MAP3K7CL: variants seen among roughly 807,000 people sequenced by gnomAD.
The protein encoded by MAP3K7CL is MAP3K7 C-terminal like.
Under a neutral mutation model 18.6 loss-of-function variants are expected in MAP3K7CL, and 16 were observed. The observed-to-expected ratio is 0.86, with a 90% confidence interval of 0.58 to 1.31. The LOEUF (loss-of-function observed/expected upper bound fraction) is 1.31, where lower values mean the gene tolerates loss of function less well. Ranked by LOEUF, MAP3K7CL falls within the 50% of genes most tolerant of loss-of-function variation. The probability of loss-of-function intolerance (pLI) is 0.00; values close to 1 mark genes in which losing one functional copy is unlikely to be tolerated. For missense variants in MAP3K7CL, 163 were observed against 174.4 expected (o/e 0.93, Z 0.37); for synonymous variants, 65 against 66.8 (o/e 0.97, Z 0.13).
rs1444604241 is a variant in MAP3K7CL at position 29,091,871 on chromosome 21, A to G, written c.227+110A>G. 3 of 595,040 alleles carry G rather than the reference A, an allele frequency of 5.0e-6. No homozygotes were observed. In the African/African-American group the frequency reaches 5.6e-5, roughly 11 times the overall value. 36.9% of individuals were successfully genotyped at this position (595,040 alleles called of 1,614,324 possible). A position where few individuals can be genotyped will look rare whatever the true frequency, so the allele number is the denominator to read the frequency against. ...CTATGTATTAATTGTTTATACATAT[A>G]ATTCCATTTAATATTCACAAAAGTC... On this transcript the variant is annotated intron_variant, in intron 3 of 6. Transcript: ENST00000286791.
chr21:29,130,904 C>A lies in MAP3K7CL; in HGVS notation c.-59C>A. 1 of 985,554 alleles carries A rather than the reference C, an allele frequency of 1.0e-6. No homozygotes were observed. Among genetic ancestry groups the A allele is most frequent in the Non-Finnish European group, 1.2e-6 (1 of 830,012 alleles). 61.1% of individuals were successfully genotyped at this position (985,554 alleles called of 1,614,324 possible). ...TGGCTGGCTCTGGGTTACACAAGTG[C>A]AGACACTCAACTAAGTGAGGTAAGC... On this transcript the variant is annotated 5_prime_UTR_variant, in exon 1 of 5. Transcript: ENST00000399928.
intron 4 of MAP3K7CL, among the ~76,000 whole-genome samples, chr21:29,165,241 T>A (rs1257937538): frequency 6.6e-6 from 1 of 152,208 alleles, no homozygotes; most frequent in African/African-American, 2.4e-5. Flanking sequence ...TATTGGGTAC[T>A]TTGGTGTTTA....
chr21:29,106,261 A>G (rs768689131), intron 4 of MAP3K7CL, among the ~76,000 whole-genome samples: 45 of 152,032 alleles, frequency 3.0e-4, no homozygotes, highest in Admixed American at 5.9e-4. Context: ...ATCTCAGCTC[A>G]CCACAACCTC....
chr21:29,155,049 T>C (rs950651030), intron 3 of MAP3K7CL, among the ~76,000 whole-genome samples: 1 of 152,236 alleles, frequency 6.6e-6, no homozygotes, highest in African/African-American at 2.4e-5. Context: ...TGTAGTATAA[T>C]TGATAGTGCT....
At chr21:29,096,785 A>C (rs555216073) in intron 4 of MAP3K7CL, among the ~76,000 whole-genome samples, 1 of 152,232 alleles carries the variant, frequency 6.6e-6, no homozygotes, top group Admixed American at 6.5e-5. Context: ...AGAGAAATGA[A>C]ATCATCCGAT....
intron 4 of MAP3K7CL, among the ~76,000 whole-genome samples, chr21:29,166,133 C>T (rs552205404): frequency 1.5e-3 from 225 of 152,282 alleles, no homozygotes; most frequent in African/African-American, 5.2e-3. Context: ...TATGTACTCA[C>T]TGAATAACCC....
chr21:29,115,622 G>A (rs11910149), intron 4 of MAP3K7CL, among the ~76,000 whole-genome samples: 3,536 of 152,244 alleles, frequency 0.023, 136 homozygotes, highest in African/African-American at 0.08. Flanking sequence ...CTGTAAAACT[G>A]GGGTGATAAT....
upstream of MAP3K7CL, among the ~76,000 whole-genome samples, chr21:29,082,756 C>T (rs1230853117): frequency 2.0e-5 from 3 of 152,182 alleles, no homozygotes; most frequent in Admixed American, 6.5e-5. Flanking sequence ...CAATCTACCA[C>T]GGCCACTCTA....
chr21:29,139,895 CTTTTTTTTTTTTT>C (rs5843369), intron 2 of MAP3K7CL, among the ~76,000 whole-genome samples: 8 of 67,364 alleles, frequency 1.2e-4, no homozygotes, highest in East Asian at 5.5e-4. Context: ...CCATCTCTGG[CTTTTTTTTTTTTT>C]TTTTTTTTTT....
At chr21:29,107,225 G>C (rs974167051) in intron 4 of MAP3K7CL, among the ~76,000 whole-genome samples, 1 of 152,166 alleles carries the variant, frequency 6.6e-6, no homozygotes, top group Non-Finnish European at 1.5e-5. Flanking sequence ...CTGAGGCAGA[G>C]AATTGCCTGA....
At chr21:29,128,411 T>A (rs1011402889), upstream of MAP3K7CL, among the ~76,000 whole-genome samples, 1 of 151,996 alleles carries the variant, frequency 6.6e-6, no homozygotes, top group African/African-American at 2.4e-5. Context: ...CACACCATTC[T>A]CCTGCCTCAG....
intron 4 of MAP3K7CL, among the ~76,000 whole-genome samples, chr21:29,116,065 GCT>G: frequency 6.6e-6 from 1 of 152,318 alleles, no homozygotes; most frequent in African/African-American, 2.4e-5. Context: ...CTTCCGTGAA[GCT>G]CTTTCATTGA....
At chr21:29,136,390 T>G (rs2086886260) in intron 2 of MAP3K7CL, among the ~76,000 whole-genome samples, 4 of 152,168 alleles carry the variant, frequency 2.6e-5, no homozygotes, top group Admixed American at 2.6e-4. Context: ...TCATAGTAAA[T>G]GAGGGCACTA....
intron 4 of MAP3K7CL, among the ~76,000 whole-genome samples, chr21:29,101,508 C>T (rs2086229563): frequency 6.6e-6 from 1 of 152,158 alleles, no homozygotes; most frequent in Non-Finnish European, 1.5e-5. Flanking sequence ...CTCCCGGATT[C>T]AGCCATTCTC....
At chr21:29,115,292 T>C (rs2086486582) in intron 4 of MAP3K7CL, among the ~76,000 whole-genome samples, 1 of 152,244 alleles carries the variant, frequency 6.6e-6, no homozygotes, top group Non-Finnish European at 1.5e-5. Context: ...TAAAACCATC[T>C]CACCTTTCAT....
intron 4 of MAP3K7CL, among the ~76,000 whole-genome samples, chr21:29,172,541 T>G (rs1723937858): frequency 3.3e-5 from 5 of 152,220 alleles, no homozygotes; most frequent in Admixed American, 3.3e-4. Context: ...ACTGAGGTTA[T>G]GTAAATATTT....
chr21:29,112,323 A>C (rs978222894), intron 4 of MAP3K7CL, among the ~76,000 whole-genome samples: 1 of 152,016 alleles, frequency 6.6e-6, no homozygotes, highest in Non-Finnish European at 1.5e-5. Flanking sequence ...ATAAAATAAA[A>C]CATAAAAAAA....
At chr21:29,129,643 G>T (rs1221875509), upstream of MAP3K7CL, among the ~76,000 whole-genome samples, 1 of 152,188 alleles carries the variant, frequency 6.6e-6, no homozygotes, top group Non-Finnish European at 1.5e-5. Flanking sequence ...ACATCTGTAT[G>T]CAGGCTTTTG....
intron 4 of MAP3K7CL, chr21:29,092,706 A>G (rs958163380): frequency 2.8e-6 from 3 of 1,061,962 alleles, no homozygotes; most frequent in Admixed American, 2.2e-5. Context: ...GAGCAGGACA[A>G]TGGCTCTACG....
Sources: gnomAD v4.1 joint callset for allele counts (sites outside exome capture counted in the v4.1 genomes callset) on GRCh38, gnomAD v4.1.1 for gene constraint, MANE v1.5 for transcripts, NCBI Gene and HGNC (gene_info 2026-07-23, HGNC 2026-07-21) for gene names.